Variants in NIBAN1 observed in about 807,000 individuals in gnomAD.
The protein encoded by NIBAN1 is niban apoptosis regulator 1.
In NIBAN1, 81 loss-of-function variants were observed where a neutral mutation model predicts 75.1. The observed-to-expected ratio is 1.08, with a 90% confidence interval of 0.90 to 1.30. The LOEUF (loss-of-function observed/expected upper bound fraction) is 1.30, where lower values mean the gene tolerates loss of function less well. Ranked by LOEUF, NIBAN1 falls within the 50% of genes most tolerant of loss-of-function variation. The pLI is 0.00. For synonymous variants in NIBAN1, 436 were observed against 424.8 expected (o/e 1.03, Z -0.32); for missense variants, 1,133 against 1,128.1 (o/e 1.00, Z -0.06).
chr1:184,811,501 C>CTTTTTTTTT (rs746898293), intron 9 of NIBAN1, among the ~76,000 whole-genome samples: 3 of 33,564 alleles, frequency 8.9e-5, no homozygotes, highest in African/African-American at 4.0e-4. Context: ...TACTTTCTTC[C>CTTTTTTTTT]TTTTTTTTTT....
intron 1 of NIBAN1, among the ~76,000 whole-genome samples, chr1:184,968,209 C>CAAAAAAAAAAAAAAAAAAAAAA (rs1176738165): frequency 1.1e-4 from 1 of 8,808 alleles, no homozygotes; most frequent in African/African-American, 3.9e-4. Flanking sequence ...GACTCCGTCT[C>CAAAAAAAAAAAAAAAAAAAAAA]AAAAAAAAAA....
At chr1:184,958,927 T>C (rs966966853) in intron 1 of NIBAN1, among the ~76,000 whole-genome samples, 1 of 152,258 alleles carries the variant, frequency 6.6e-6, no homozygotes, top group Non-Finnish European at 1.5e-5. Flanking sequence ...CTGCATCTGC[T>C]TTGCTTAGGC....
intron 5 of NIBAN1, chr1:184,867,799 CTG>C: frequency 1.1e-6 from 1 of 933,586 alleles, no homozygotes; most frequent in Non-Finnish European, 1.3e-6. Flanking sequence ...TAAGCAATGA[CTG>C]TGTTTTCGGT....
At chr1:184,882,186 C>T (rs1489362135) in intron 5 of NIBAN1, among the ~76,000 whole-genome samples, 1 of 152,094 alleles carries the variant, frequency 6.6e-6, no homozygotes, top group East Asian at 1.9e-4. Context: ...TTATCCCAGC[C>T]CTAATTTTAA....
intron 5 of NIBAN1, among the ~76,000 whole-genome samples, chr1:184,883,629 G>A (rs541466026): frequency 2.0e-5 from 3 of 152,200 alleles, no homozygotes; most frequent in Admixed American, 6.5e-5. Context: ...GAGGCAAAGT[G>A]GCCTGAAGCA....
chr1:184,967,623 C>T (rs948029594), intron 1 of NIBAN1, among the ~76,000 whole-genome samples: 1 of 152,144 alleles, frequency 6.6e-6, no homozygotes, highest in Non-Finnish European at 1.5e-5. Context: ...AAGTAAAAAG[C>T]TCAGTAGTTC....
chr1:184,876,874 A>G (rs551860713), intron 5 of NIBAN1, among the ~76,000 whole-genome samples: 1 of 152,372 alleles, frequency 6.6e-6, no homozygotes, highest in African/African-American at 2.4e-5. Context: ...AAAGGAAAAG[A>G]AAAGATGCAT....
chr1:184,940,595 G>A (rs1658066441), intron 1 of NIBAN1, among the ~76,000 whole-genome samples: 1 of 152,210 alleles, frequency 6.6e-6, no homozygotes, highest in South Asian at 2.1e-4. Flanking sequence ...ATACCACAGT[G>A]TATTTTGGTA....
At position 184,909,299 on chromosome 1, in the gene NIBAN1, C is replaced by G. The variant is rs1397513048; in HGVS notation, c.56-9990G>C. ...TCCTCTAGGTTTCTCTCTTATTTTC[C>G]TATGTTTTTTTCTTTTTCTTATTTC... On this transcript the variant is annotated intron_variant, in intron 1 of 13. Coordinates refer to ENST00000367511, the MANE Select transcript of NIBAN1 (RefSeq NM_052966.4). Among the ~76,000 whole-genome samples, 7 of 152,136 alleles carry G rather than the reference C, an allele frequency of 4.6e-5. No homozygotes were observed. In the East Asian group the frequency reaches 1.2e-3, roughly 25 times the overall value.
intron 2 of NIBAN1, among the ~76,000 whole-genome samples, chr1:184,898,627 A>C (rs1656867223): frequency 3.3e-5 from 5 of 152,162 alleles, no homozygotes; most frequent in Admixed American, 3.3e-4. Flanking sequence ...AAAATAAAAT[A>C]AGACTCGCTT....
chr1:184,842,701 CG>C (rs1655325287), intron 5 of NIBAN1, among the ~76,000 whole-genome samples: 1 of 150,206 alleles, frequency 6.7e-6, no homozygotes. Context: ...TGCAGTGAGC[CG>C]AGATTGTGCC....
chr1:184,916,873 C>T, intron 1 of NIBAN1, among the ~76,000 whole-genome samples: 1 of 152,114 alleles, frequency 6.6e-6, no homozygotes, highest in Non-Finnish European at 1.5e-5. Flanking sequence ...TCCCGATTTC[C>T]CTAACCCTAG....
At chr1:184,818,529 G>A in intron 9 of NIBAN1, 109 bp downstream of exon 9, 1 of 1,097,004 alleles carries the variant, frequency 9.1e-7, no homozygotes. Context: ...GCAGAAGAAT[G>A]GAAGGAAGGA....
At chr1:184,957,131 C>T (rs1658510600) in intron 1 of NIBAN1, among the ~76,000 whole-genome samples, 3 of 152,172 alleles carry the variant, frequency 2.0e-5, no homozygotes, top group South Asian at 4.1e-4. Flanking sequence ...TCACTGAGCT[C>T]ACAGTTAGGA....
At position 184,826,951 on chromosome 1, in the gene NIBAN1, G is replaced by A. The variant is rs530828002; in HGVS notation, c.718-3209C>T. Among the ~76,000 whole-genome samples, 16 of 152,222 alleles carry A rather than the reference G, an allele frequency of 1.1e-4. No homozygotes were observed. In the East Asian group the frequency reaches 3.1e-3, roughly 29 times the overall value. ...TCCCATGTGTTGTGTGGGGGACCTG[G>A]TGGGAGATAATTGAATCCTAGGGGC... On this transcript the variant is annotated intron_variant, in intron 6 of 13. Transcript: ENST00000367511.
At chr1:184,816,770 C>T (rs1465479795) in intron 9 of NIBAN1, among the ~76,000 whole-genome samples, 1 of 151,638 alleles carries the variant, frequency 6.6e-6, no homozygotes, top group East Asian at 1.9e-4. Context: ...GTTTCAAAAC[C>T]ATATAAGTAC....
intron 6 of NIBAN1, among the ~76,000 whole-genome samples, chr1:184,828,362 A>G (rs963769428): frequency 6.6e-6 from 1 of 152,206 alleles, no homozygotes; most frequent in Non-Finnish European, 1.5e-5. Context: ...GGTTAAGATT[A>G]AGGTCTTAGC....
At position 184,890,137 on chromosome 1, in the gene NIBAN1, A is replaced by T. The variant is rs1298257526; in HGVS notation, c.404T>A (p.Leu135Ter). ...AGGGTCTGGGAAATGCCTGTCAGACAACAGATTATATTCATCTTCTGAGGT... is the reference window on the plus strand; with the variant it reads ...AGGGTCTGGGAAATGCCTGTCAGACTACAGATTATATTCATCTTCTGAGGT... ...VLTSEDEYNL[L>*]SDRHFPDPLA... is the part of the protein sequence containing the mutation. The change falls in exon 4 of 14, where the codon TTG becomes TAG. Residue 135 changes from leucine (L) to a stop codon, truncating the protein, a stop_gained. Transcript: ENST00000367511. LOFTEE classifies it high-confidence loss of function. 6.2e-7 allele frequency: 1 copy of T among 1,613,862 alleles called. No homozygotes were observed. Among genetic ancestry groups the T allele is most frequent in the Admixed American group, 1.7e-5 (1 of 60,012 alleles).
chr1:184,855,137 C>T (rs1655642013), intron 5 of NIBAN1, among the ~76,000 whole-genome samples: 2 of 152,096 alleles, frequency 1.3e-5, no homozygotes, highest in Admixed American at 6.6e-5. Context: ...AATCCATTTC[C>T]CTACGAATAA....
Sources: allele counts gnomAD v4.1 joint callset (sites outside exome capture counted in the v4.1 genomes callset), GRCh38; gene constraint gnomAD v4.1.1; transcripts MANE v1.5; gene names NCBI Gene and HGNC (gene_info 2026-07-23, HGNC 2026-07-21).